ERI2: variants seen among roughly 807,000 people sequenced by gnomAD.
The protein encoded by ERI2 is ERI1 exoribonuclease 2.
ERI2 carries 35 observed loss-of-function variants against 46.8 expected under a neutral mutation model. The ratio of observed to expected loss-of-function variants is 0.75; its 90% confidence interval spans 0.57 to 0.99. The LOEUF (loss-of-function observed/expected upper bound fraction) is 0.99, where lower values mean the gene tolerates loss of function less well. Among genes scored for constraint, ERI2 ranks in the 50% least tolerant of loss-of-function variants. ERI2 has a pLI of 0.00. For missense variants in ERI2, 695 were observed against 796.2 expected (o/e 0.87, Z 1.53); for synonymous variants, 224 against 271.0 (o/e 0.83, Z 1.70).
Position 20,797,477 on chromosome 16 carries a change from A to C in ERI2, c.*247T>G. 3.7e-6 allele frequency: 4 copies of C among 1,087,560 alleles called. No individual in the cohort carries two copies. The highest frequency in any genetic ancestry group is 4.5e-6 in the Non-Finnish European group (4 of 895,520). 67.4% of individuals were successfully genotyped at this position (1,087,560 alleles called of 1,614,324 possible). A position where few individuals can be genotyped will look rare whatever the true frequency, so the allele number is the denominator to read the frequency against. ...TTTATTAGTCACATTTTTTGCAAATAATTTAAAAATAGTTTAGACTTGTTT... is the reference window on the plus strand; with the variant it reads ...TTTATTAGTCACATTTTTTGCAAATCATTTAAAAATAGTTTAGACTTGTTT... On this transcript the variant is annotated 3_prime_UTR_variant, in exon 9 of 9. Transcript: ENST00000357967.
chr16:20,794,580 G>T (rs2080679023), downstream of ERI2, among the ~76,000 whole-genome samples: 1 of 152,162 alleles, frequency 6.6e-6, no homozygotes, highest in Non-Finnish European at 1.5e-5. Flanking sequence ...AAAAATACAA[G>T]ATTTTGCATA....
chr16:20,800,194 G>T, intron 6 of ERI2, 108 bp downstream of exon 6: 2 of 872,818 alleles, frequency 2.3e-6, no homozygotes, highest in Non-Finnish European at 3.6e-6. Flanking sequence ...TATGTGACCA[G>T]TACAAAAGAA....
In ERI2 at chr16:20,796,986, A is replaced by C; in HGVS notation, c.*738T>G. 6.2e-7 allele frequency: 1 copy of C among 1,610,038 alleles called. No individual in the cohort carries two copies. Among genetic ancestry groups the C allele is most frequent in the African/African-American group, 1.3e-5 (1 of 74,834 alleles). On this transcript the variant is annotated 3_prime_UTR_variant, in exon 9 of 9. Coordinates refer to ENST00000357967, the MANE Select transcript of ERI2 (RefSeq NM_001142725.2). ...AAGACAATTTAAAGTTGTTTCATTA[A>C]TTACCATATCTATAAAACAAACATA...
At chr16:20,800,152 G>T in intron 6 of ERI2, 114 bp from the exon 7 acceptor site, 2 of 883,306 alleles carry the variant, frequency 2.3e-6, no homozygotes, top group Admixed American at 2.6e-5. Context: ...TATTTTTTGT[G>T]TGTTGTTTTT....
At chr16:20,782,398 C>T (rs1020353829) in intron 10 of ERI2, among the ~76,000 whole-genome samples, 15 of 152,130 alleles carry the variant, frequency 9.9e-5, no homozygotes, top group African/African-American at 3.6e-4. Context: ...CACCCACCTC[C>T]CACCCTTTCC....
chr16:20,799,841 GT>G (rs901267153), intron 7 of ERI2, 115 bp downstream of exon 7: 26,752 of 496,408 alleles, frequency 0.054, no homozygotes, highest in Middle Eastern at 0.072. Context: ...TAGATTAGGA[GT>G]TTTTTTTTTT....
Position 20,784,793 on chromosome 16 carries a change from C to T in ERI2, c.895-4059G>A, listed in dbSNP as rs139734587. ...TTAGAATGATTTATCTTTTTAATAT[C>T]TTTATTTTTAATTTGTGTAGGTACT... On this transcript the variant is annotated intron_variant, in intron 10 of 10. Transcript: ENST00000300005. 1.3e-3 allele frequency among the ~76,000 whole-genome samples: 204 copies of T among 151,934 alleles called. 1 individual carries two copies. Among genetic ancestry groups the T allele is most frequent in the African/African-American group, 4.7e-3 (196 of 41,444 alleles).
At position 20,797,301 on chromosome 16, in the gene ERI2, C is replaced by T; in HGVS notation, c.*423G>A. 9.7e-7 allele frequency: 1 copy of T among 1,036,088 alleles called. No homozygotes were observed. The highest frequency in any genetic ancestry group is 1.2e-6 in the Non-Finnish European group (1 of 865,500). The allele number at this position is 1,036,088 out of a possible 1,614,324, so 64.2% of individuals were successfully genotyped here. A position where few individuals can be genotyped will look rare whatever the true frequency, so the allele number is the denominator to read the frequency against. ...TTCAAACTTTAGTTGACTAATTCTT[C>T]TGATATGTTGATATACAAATCAGAA... On this transcript the variant is annotated 3_prime_UTR_variant, in exon 9 of 9. Coordinates refer to ENST00000357967, the MANE Select transcript of ERI2 (RefSeq NM_001142725.2).
At chr16:20,801,947 C>T (rs377545673) in intron 4 of ERI2, among the ~76,000 whole-genome samples, 3 of 151,776 alleles carry the variant, frequency 2.0e-5, no homozygotes, top group Middle Eastern at 6.8e-3. Flanking sequence ...TTAGTAGAGA[C>T]GGGGTTTTGC....
rs1470322615 is a variant in ERI2 at position 20,803,413 on chromosome 16, C to T, written c.175+20G>A. 5 of 1,607,840 alleles carry T rather than the reference C, an allele frequency of 3.1e-6. No individual in the cohort carries two copies. In the Admixed American group the frequency reaches 5.1e-5, roughly 16 times the overall value. ...TGACTCATCTAGTGCCAGCTTTGGC[C>T]ATTCGTAGCCCAGACTTACTTATTT... On this transcript the variant is annotated intron_variant, in intron 3 of 8. Coordinates refer to ENST00000357967, the MANE Select transcript of ERI2 (RefSeq NM_001142725.2).
In ERI2 at chr16:20,806,417, C is replaced by G; in HGVS notation, c.14G>C (p.Arg5Pro). ...GAACTCCCTCGAGTACCGCGCGAGC[C>G]GCTTGGTCGCCATTCCCGACACTCC... MATK[R>P]LARQLGLIRR... is the part of the protein sequence containing the mutation. Residue 5 changes from arginine (R) to proline (P), a missense_variant, in exon 1 of 9, where the codon CGG (arginine) becomes CCG (proline). Transcript: ENST00000357967. 6.4e-7 allele frequency: 1 copy of G among 1,552,918 alleles called. No homozygotes were observed. Among genetic ancestry groups the G allele is most frequent in the African/African-American group, 1.4e-5 (1 of 73,258 alleles).
chr16:20,783,177 A>T (rs35396346), intron 10 of ERI2: 20,014 of 152,186 alleles, frequency 0.13, 1,377 homozygotes, highest in East Asian at 0.21. Flanking sequence ...TCTATTACCC[A>T]GGAAATTCCA....
In ERI2 at chr16:20,796,544, G is replaced by C. The variant is rs2080728174; in HGVS notation, c.*1180C>G. 7.5e-6 allele frequency: 12 copies of C among 1,593,752 alleles called. No homozygotes were observed. Among genetic ancestry groups the C allele is most frequent in the Non-Finnish European group, 9.4e-6 (11 of 1,175,498 alleles). ...CTCAGTGTTGTGGACAATTTCAAGT[G>C]TTTATTTTTACATTTTAATGAATAT... On this transcript the variant is annotated 3_prime_UTR_variant, in exon 9 of 9. Coordinates refer to ENST00000357967, the MANE Select transcript of ERI2 (RefSeq NM_001142725.2).
chr16:20,795,020 T>A (rs576357238), downstream of ERI2, among the ~76,000 whole-genome samples: 1 of 152,362 alleles, frequency 6.6e-6, no homozygotes, highest in South Asian at 2.1e-4. Context: ...ACAAGCATAA[T>A]TTTTTAATTT....
At chr16:20,802,459 G>A (rs1032278451) in intron 4 of ERI2, among the ~76,000 whole-genome samples, 1 of 151,996 alleles carries the variant, frequency 6.6e-6, no homozygotes, top group African/African-American at 2.4e-5. Flanking sequence ...GATAGACTGA[G>A]ATTATACCTC....
In ERI2 at chr16:20,797,695, A is replaced by T; in HGVS notation, c.*29T>A. On this transcript the variant is annotated 3_prime_UTR_variant, in exon 9 of 9. Transcript: ENST00000357967. ...AATACTCATGTTTGGAAATTCAAGG[A>T]ACAATTAGGATTCATACATGAAAGG... is the stretch of plus-strand genomic sequence containing the variant. The T allele has an allele frequency of 6.7e-7, 1 of 1,492,230 alleles. No individual in the cohort carries two copies. Among genetic ancestry groups the T allele is most frequent in the Non-Finnish European group, 8.9e-7 (1 of 1,123,438 alleles). The allele number at this position is 1,492,230 out of a possible 1,614,324, so 92.4% of individuals were successfully genotyped here.
At position 20,796,459 on chromosome 16, in the gene ERI2, A is replaced by G. The variant is rs1391057276; in HGVS notation, c.*1265T>C. The G allele has an allele frequency of 5.6e-6, 9 of 1,613,774 alleles. No homozygotes were observed. Among genetic ancestry groups the G allele is most frequent in the African/African-American group, 1.3e-5 (1 of 74,920 alleles). On this transcript the variant is annotated 3_prime_UTR_variant, in exon 9 of 9. Coordinates refer to ENST00000357967, the MANE Select transcript of ERI2 (RefSeq NM_001142725.2). ...AGGAGATTCAGGAGCATGTTAAAAAAACTACAGCACCTTACAAATATCCCA... is the reference window on the plus strand; with the variant it reads ...AGGAGATTCAGGAGCATGTTAAAAAGACTACAGCACCTTACAAATATCCCA...
At chr16:20,780,284 C>A in exon 11 of ERI2, 1 of 235,626 alleles carries the variant, frequency 4.2e-6, no homozygotes, top group Non-Finnish European at 8.4e-6. Flanking sequence ...GTACCCATGG[C>A]TTTTACTAAC....
rs2080816788 is a variant in ERI2, at chr16:20,803,446, A to G, written c.162T>C (p.His54=). 6.2e-7 allele frequency: 1 copy of G among 1,613,938 alleles called. No homozygotes were observed. ...STCWNDGKHH[H]SQEIIEFPAV... ...GCCCAGACTTACTTATTTCCTGGCT[A>G]TGGTGGTGCTTCCCATCATTCCAGC... Residue 54 remains histidine (H), a synonymous_variant, in exon 3 of 9, where the codon CAT becomes CAC. Coordinates refer to ENST00000357967, the MANE Select transcript of ERI2 (RefSeq NM_001142725.2).
Sources: allele counts gnomAD v4.1 joint callset (sites outside exome capture counted in the v4.1 genomes callset), GRCh38; gene constraint gnomAD v4.1.1; transcripts MANE v1.5; gene names NCBI Gene and HGNC (gene_info 2026-07-23, HGNC 2026-07-21).